Variants in RABGAP1L observed in about 807,000 individuals in gnomAD.
RABGAP1L encodes rab GTPase-activating protein 1-like.
In RABGAP1L, 63 loss-of-function variants were observed where a neutral mutation model predicts 137.7. The observed-to-expected ratio is 0.46, with a 90% CI of 0.37 to 0.56. RABGAP1L has a LOEUF of 0.56. Among genes scored for constraint, RABGAP1L ranks in the 20% least tolerant of loss-of-function variants. The pLI, the probability that RABGAP1L is intolerant of heterozygous loss-of-function variation, is 0.00. For missense variants in RABGAP1L, 1,095 were observed against 1,244.0 expected (o/e 0.88, Z 1.80); for synonymous variants, 431 against 433.7 (o/e 0.99, Z 0.08).
chr1:174,647,019 G>A (rs1174088511), intron 14 of RABGAP1L, among the ~76,000 whole-genome samples: 3 of 151,978 alleles, frequency 2.0e-5, no homozygotes, highest in African/African-American at 7.3e-5. Flanking sequence ...GTCTATTATT[G>A]GTGTATAGGA....
intron 12 of RABGAP1L, among the ~76,000 whole-genome samples, chr1:174,386,651 G>T (rs1234949581): frequency 6.6e-6 from 1 of 152,028 alleles, no homozygotes; most frequent in East Asian, 1.9e-4. Flanking sequence ...GGGATTACAG[G>T]TATGGGCCAC....
rs189648391 is a variant in RABGAP1L at position 174,963,511 on chromosome 1, T to A, written c.2434-5766T>A. On this transcript the variant is annotated intron_variant, in intron 20 of 25. Transcript: ENST00000681986. Reference sequence around the variant, plus strand: ...GTATGTTTACTGGTGATCTTCAGAGTTTTCAAGAAACTTTCATTAATTTTT... The same window carrying A: ...GTATGTTTACTGGTGATCTTCAGAGATTTCAAGAAACTTTCATTAATTTTT... 2.0e-5 allele frequency among the ~76,000 whole-genome samples: 3 copies of A among 152,086 alleles called. No individual in the cohort carries two copies. The East Asian group carries it at 5.8e-4, about 29-fold the overall frequency.
chr1:174,532,417 C>A (rs910478148), intron 13 of RABGAP1L, among the ~76,000 whole-genome samples: 1 of 152,030 alleles, frequency 6.6e-6, no homozygotes, highest in East Asian at 1.9e-4. Context: ...CCATGTTGGC[C>A]AGGCTGGTCT....
At chr1:174,982,504 A>T (rs1671228836) in intron 23 of RABGAP1L, among the ~76,000 whole-genome samples, 1 of 152,246 alleles carries the variant, frequency 6.6e-6, no homozygotes, top group African/African-American at 2.4e-5. Context: ...ACTTGTACAA[A>T]GTGAATACTC....
At chr1:174,418,244 C>T (rs924793443) in intron 13 of RABGAP1L, among the ~76,000 whole-genome samples, 1 of 152,198 alleles carries the variant, frequency 6.6e-6, no homozygotes, top group Non-Finnish European at 1.5e-5. Context: ...GAATTACCTT[C>T]TTTCCTAAGA....
chr1:174,888,762 G>A (rs1454466888), intron 19 of RABGAP1L, among the ~76,000 whole-genome samples: 1 of 152,098 alleles, frequency 6.6e-6, no homozygotes, highest in Non-Finnish European at 1.5e-5. Context: ...CTCCCAAAGT[G>A]CTGGGATTAC....
intron 4 of RABGAP1L, among the ~76,000 whole-genome samples, chr1:174,234,035 C>A (rs1283222979): frequency 7.3e-6 from 1 of 137,008 alleles, no homozygotes; most frequent in African/African-American, 3.3e-5. Flanking sequence ...AGCATTTTTT[C>A]ATGTGTTTTT....
chr1:174,491,325 A>G (rs115316381), intron 13 of RABGAP1L, among the ~76,000 whole-genome samples: 1,669 of 151,998 alleles, frequency 0.011, 35 homozygotes, highest in African/African-American at 0.038. Flanking sequence ...TTTCAAGTCA[A>G]TGCGTTCCCT....
At position 174,786,649 on chromosome 1, in the gene RABGAP1L, A is replaced by G. The variant is rs560651855; in HGVS notation, c.2212-25183A>G. 9.2e-5 allele frequency among the ~76,000 whole-genome samples: 14 copies of G among 152,236 alleles called. No individual in the cohort carries two copies. In the South Asian group the frequency reaches 2.9e-3, roughly 32 times the overall value. On this transcript the variant is annotated intron_variant, in intron 18 of 25. Transcript: ENST00000681986. ...TGCTAAATAACGTTGACCTTTATTT[A>G]TTTTCTTATGGATTTTATGCTGCTT... is the stretch of plus-strand genomic sequence containing the variant.
At chr1:174,848,980 G>T (rs1245245415) in intron 19 of RABGAP1L, among the ~76,000 whole-genome samples, 7 of 151,998 alleles carry the variant, frequency 4.6e-5, no homozygotes, top group African/African-American at 1.4e-4. Flanking sequence ...GGGTGGGAGT[G>T]ACCCGATTTT....
At chr1:174,537,871 G>A (rs1338303932) in intron 13 of RABGAP1L, among the ~76,000 whole-genome samples, 1 of 152,098 alleles carries the variant, frequency 6.6e-6, no homozygotes, top group Admixed American at 6.5e-5. Flanking sequence ...AGTATCAAGT[G>A]GCTTCACATA....
chr1:174,605,202 AC>A (rs1234997197), intron 13 of RABGAP1L, among the ~76,000 whole-genome samples: 3 of 152,108 alleles, frequency 2.0e-5, no homozygotes, highest in Non-Finnish European at 4.4e-5. Context: ...TGTAAAACTG[AC>A]CTTGTTTGAT....
At chr1:174,236,588 T>A (rs1213351517) in intron 4 of RABGAP1L, among the ~76,000 whole-genome samples, 1 of 151,734 alleles carries the variant, frequency 6.6e-6, no homozygotes, top group Non-Finnish European at 1.5e-5. Flanking sequence ...TTTGAGTGAG[T>A]TTCTTAATCC....
At chr1:174,235,187 T>C (rs2148523536) in intron 4 of RABGAP1L, among the ~76,000 whole-genome samples, 1 of 145,430 alleles carries the variant, frequency 6.9e-6, no homozygotes, top group South Asian at 2.2e-4. Flanking sequence ...TGGGGTTTTC[T>C]AGATATACAA....
chr1:174,408,241 A>G (rs1358027350), intron 13 of RABGAP1L, among the ~76,000 whole-genome samples: 2 of 152,008 alleles, frequency 1.3e-5, no homozygotes, highest in Admixed American at 1.3e-4. Flanking sequence ...GTTAGCCTCC[A>G]TTGTCTGTTG....
At chr1:174,605,156 CAAACAAA>C (rs1670694870) in intron 13 of RABGAP1L, among the ~76,000 whole-genome samples, 1 of 119,230 alleles carries the variant, frequency 8.4e-6, no homozygotes, top group African/African-American at 8.8e-5. Flanking sequence ...CAAACCAAAA[CAAACAAA>C]CAAACAAACA....
At chr1:174,634,983 T>C (rs1249471778) in intron 13 of RABGAP1L, among the ~76,000 whole-genome samples, 1 of 149,544 alleles carries the variant, frequency 6.7e-6, no homozygotes, top group Non-Finnish European at 1.5e-5. Context: ...TGTATACATA[T>C]GTATCTAACC....
intron 14 of RABGAP1L, among the ~76,000 whole-genome samples, chr1:174,646,983 G>C (rs1316875953): frequency 1.3e-5 from 2 of 150,948 alleles, no homozygotes; most frequent in African/African-American, 2.5e-5. Context: ...ATTGTGAATG[G>C]GAGTTTACTC....
At chr1:174,625,277 T>C (rs1672864153) in intron 13 of RABGAP1L, among the ~76,000 whole-genome samples, 1 of 152,244 alleles carries the variant, frequency 6.6e-6, no homozygotes, top group Admixed American at 6.5e-5. Flanking sequence ...GTCAGAGACT[T>C]ATTCTTGCTA....
Sources: allele counts gnomAD v4.1 joint callset (sites outside exome capture counted in the v4.1 genomes callset), GRCh38; gene constraint gnomAD v4.1.1; transcripts MANE v1.5; gene names NCBI Gene and HGNC (gene_info 2026-07-23, HGNC 2026-07-21).